Variants in FCRL1 observed in about 807,000 individuals in gnomAD.
FCRL1 encodes Fc receptor-like protein 1.
In FCRL1, 34 loss-of-function variants were observed where a neutral mutation model predicts 49.2. That is an observed-to-expected ratio of 0.69 (90% CI 0.53 to 0.92). The LOEUF is 0.92. Among genes scored for constraint, FCRL1 ranks in the 40% least tolerant of loss-of-function variants. The pLI, the probability that FCRL1 is intolerant of heterozygous loss-of-function variation, is 0.00. For synonymous variants in FCRL1, 218 were observed against 201.6 expected (o/e 1.08, Z -0.69); for missense variants, 524 against 524.1 (o/e 1.00, Z 0.00).
At chr1:157,807,153 G>C in intron 1 of FCRL1, 31 bp from the exon 2 acceptor site, 1 of 1,605,916 alleles carries the variant, frequency 6.2e-7, no homozygotes. Flanking sequence ...GATCAGTACA[G>C]AGCAGCAAAT....
At chr1:157,815,022 C>T (rs77843036) in intron 1 of FCRL1, among the ~76,000 whole-genome samples, 1 of 151,880 alleles carries the variant, frequency 6.6e-6, no homozygotes, top group Non-Finnish European at 1.5e-5. Flanking sequence ...GACTTTAATA[C>T]TCCACTTTCA....
intron 1 of FCRL1, among the ~76,000 whole-genome samples, chr1:157,808,270 A>G (rs1487785708): frequency 1.3e-5 from 2 of 152,196 alleles, no homozygotes; most frequent in African/African-American, 4.8e-5. Context: ...TAAGTATATA[A>G]TATTCTTTCA....
At position 157,802,040 on chromosome 1, in the gene FCRL1, G is replaced by A. The variant is rs750060612; in HGVS notation, c.761C>T (p.Ala254Val). Reference protein sequence around the residue: ...HEDITLGSRSAPSGGGASFNL... With the variant: ...HEDITLGSRSVPSGGGASFNL... ...GAAGGAGGCTCCTCCTCCAGAGGGG[G>A]CCGACCTGCTCCCCAGGGTGATATC... The change falls in exon 5 of 11, where the codon GCC becomes GTC. Residue 254 changes from alanine to valine, a missense_variant. Transcript: ENST00000368176. 8 of 1,614,228 alleles carry A rather than the reference G, an allele frequency of 5.0e-6. No individual in the cohort carries two copies. The highest frequency in any genetic ancestry group is 5.1e-6 in the Non-Finnish European group (6 of 1,180,030).
intron 1 of FCRL1, among the ~76,000 whole-genome samples, chr1:157,811,168 T>C (rs1654269937): frequency 6.6e-6 from 1 of 152,120 alleles, no homozygotes; most frequent in Admixed American, 6.6e-5. Flanking sequence ...ACATTGTCGG[T>C]GATGTCGGCA....
intron 1 of FCRL1, among the ~76,000 whole-genome samples, chr1:157,819,022 C>A (rs1166490744): frequency 6.6e-6 from 1 of 151,980 alleles, no homozygotes; most frequent in African/African-American, 2.4e-5. Context: ...GAAGAGAAGG[C>A]AGTGTATGTG....
intron 6 of FCRL1, among the ~76,000 whole-genome samples, chr1:157,801,254 T>C (rs1188585284): frequency 2.0e-5 from 3 of 152,190 alleles, no homozygotes; most frequent in Non-Finnish European, 2.9e-5. Flanking sequence ...GAACCTCAAC[T>C]GATAGCACAT....
At chr1:157,816,636 G>A (rs1655057734) in intron 1 of FCRL1, among the ~76,000 whole-genome samples, 1 of 151,688 alleles carries the variant, frequency 6.6e-6, no homozygotes, top group South Asian at 2.1e-4. Context: ...AAATTGAGAA[G>A]GAAGAAGTTA....
chr1:157,816,766 CT>C (rs1655073746), intron 1 of FCRL1, among the ~76,000 whole-genome samples: 2 of 149,214 alleles, frequency 1.3e-5, no homozygotes, highest in East Asian at 3.9e-4. Flanking sequence ...AGCAACTTCA[CT>C]GATGAAGTTG....
chr1:157,797,201 G>A, intron 9 of FCRL1, 69 bp from the exon 10 acceptor site: 1 of 1,425,838 alleles, frequency 7.0e-7, no homozygotes, highest in Non-Finnish European at 9.9e-7. Flanking sequence ...CTTGTGTTAA[G>A]AAAAGCTTCT....
At position 157,801,904 on chromosome 1, in the gene FCRL1, C is replaced by T. The variant is rs1312562790; in HGVS notation, c.886+11G>A. On this transcript the variant is annotated intron_variant, in intron 5 of 10. Transcript: ENST00000368176. ...ACATTGACCAAGACAGTTCCATAGCCTGAGCTATACCTGTGAAGTTGAGTG... is the reference window on the plus strand; with the variant it reads ...ACATTGACCAAGACAGTTCCATAGCTTGAGCTATACCTGTGAAGTTGAGTG... The T allele has an allele frequency of 6.2e-7, 1 of 1,607,882 alleles. No homozygotes were observed. The highest frequency in any genetic ancestry group is 1.7e-5 in the Admixed American group (1 of 59,548).
At chr1:157,809,394 A>C (rs6682917) in intron 1 of FCRL1, among the ~76,000 whole-genome samples, 3 of 151,038 alleles carry the variant, frequency 2.0e-5, no homozygotes, top group African/African-American at 7.4e-5. Flanking sequence ...AATTAATTTA[A>C]AAAAAAACCC....
At chr1:157,796,439 A>T (rs972067216) in intron 10 of FCRL1, among the ~76,000 whole-genome samples, 1 of 152,216 alleles carries the variant, frequency 6.6e-6, no homozygotes, top group African/African-American at 2.4e-5. Flanking sequence ...AGGCAGGCCC[A>T]TGGGCTGTCA....
rs780687877 is a variant in FCRL1, at chr1:157,803,796, C to T, written c.319+49G>A. ...ATAACAGTGAGGATTAGCCTCTTGCCACTGCCCTTCTCAGCCTATCCTGGC... is the reference window on the plus strand; with the variant it reads ...ATAACAGTGAGGATTAGCCTCTTGCTACTGCCCTTCTCAGCCTATCCTGGC... On this transcript the variant is annotated intron_variant, in intron 3 of 10. Coordinates refer to ENST00000368176, the MANE Select transcript of FCRL1 (RefSeq NM_052938.5). The T allele has an allele frequency of 3.8e-6, 6 of 1,592,334 alleles. No individual in the cohort carries two copies. In the African/African-American group the frequency reaches 8.0e-5, roughly 21 times the overall value.
At position 157,797,853 on chromosome 1, in the gene FCRL1, T is replaced by TC. The variant is rs1428636794; in HGVS notation, c.1186+14dup. 1 of 1,613,932 alleles carries TC rather than the reference T, an allele frequency of 6.2e-7. No individual in the cohort carries two copies. Among genetic ancestry groups the TC allele is most frequent in the African/African-American group, 1.3e-5 (1 of 74,870 alleles). On this transcript the variant is annotated intron_variant, in intron 9 of 10. Coordinates refer to ENST00000368176, the MANE Select transcript of FCRL1 (RefSeq NM_052938.5). ...AGACAAAAGTCAGAGACAAATTTAC[T>TC]CCCCCATGTCTCACCTGCTACTGAT...
At chr1:157,814,781 T>C (rs1174293853) in intron 1 of FCRL1, among the ~76,000 whole-genome samples, 3 of 151,622 alleles carry the variant, frequency 2.0e-5, no homozygotes, top group African/African-American at 7.3e-5. Context: ...AGAAATACCA[T>C]GAAAATGGAG....
At chr1:157,800,747 C>T (rs1032755371) in intron 6 of FCRL1, among the ~76,000 whole-genome samples, 9 of 151,956 alleles carry the variant, frequency 5.9e-5, no homozygotes, top group South Asian at 4.2e-4. Context: ...TGTGAATGTG[C>T]GGTTCAGAGA....
At chr1:157,797,033 A>C (rs528861370) in intron 10 of FCRL1, 68 bp downstream of exon 10, 3 of 1,517,248 alleles carry the variant, frequency 2.0e-6, no homozygotes, top group East Asian at 4.5e-5. Context: ...GCTATAATTT[A>C]AGAAGTTTGA....
rs1652473550 is a variant in FCRL1 at position 157,801,554 on chromosome 1, G to T, written c.910C>A (p.His304Asn). The change falls in exon 6 of 11, where the codon CAT becomes AAT. Residue 304 changes from histidine to asparagine, a missense_variant. His to Asn is a moderately conservative substitution (Grantham distance 68). Transcript: ENST00000368176. ...CCCTCAATGACTCCTGAGGTAAGAT[G>T]ATTGCTTCTGGCCCCAGTAGGCACT... is the stretch of plus-strand genomic sequence containing the variant. ...FTVPTGARSN[H>N]LTSGVIEGLL... 2.5e-6 allele frequency: 4 copies of T among 1,613,616 alleles called. No homozygotes were observed. Among genetic ancestry groups the T allele is most frequent in the Non-Finnish European group, 3.4e-6 (4 of 1,179,692 alleles).
intron 1 of FCRL1, among the ~76,000 whole-genome samples, chr1:157,813,854 TAC>T (rs1369428522): frequency 2.6e-5 from 4 of 152,128 alleles, no homozygotes; most frequent in Non-Finnish European, 5.9e-5. Context: ...CATCAAGTCA[TAC>T]ATAAGAGAAT....
Sources: gnomAD v4.1 joint callset for allele counts (sites outside exome capture counted in the v4.1 genomes callset) on GRCh38, gnomAD v4.1.1 for gene constraint, MANE v1.5 for transcripts, NCBI Gene and HGNC (gene_info 2026-07-23, HGNC 2026-07-21) for gene names.